The following INTS8 variants were observed in gnomAD, a reference collection of about 807,000 sequenced individuals.
INTS8 encodes integrator complex subunit 8.
In INTS8, 47 loss-of-function variants were observed where a neutral mutation model predicts 138.9. That is an observed-to-expected ratio of 0.34 (90% CI 0.27 to 0.43). INTS8 has a LOEUF of 0.43. Ranked by LOEUF, INTS8 falls within the 20% of genes least tolerant of loss-of-function variation. The pLI is 1.00. For missense variants in INTS8, 996 were observed against 1,173.0 expected (o/e 0.85, Z 2.20); for synonymous variants, 392 against 400.9 (o/e 0.98, Z 0.27).
chr8:94,842,555 T>C, intron 10 of INTS8, 67 bp downstream of exon 10: 1 of 1,293,020 alleles, frequency 7.7e-7, no homozygotes, highest in Non-Finnish European at 1.1e-6. Context: ...GACCTCTTAA[T>C]TGCCAAATCC....
intron 10 of INTS8, among the ~76,000 whole-genome samples, chr8:94,846,402 G>T (rs1289189506): frequency 1.3e-5 from 2 of 152,138 alleles, no homozygotes; most frequent in African/African-American, 4.8e-5. Flanking sequence ...AGCCTCCTGA[G>T]TAGCTGGGAC....
chr8:94,859,207 GGAGCTCAAGGCTGCAGT>G (rs1352538230), intron 15 of INTS8, among the ~76,000 whole-genome samples: 1 of 151,686 alleles, frequency 6.6e-6, no homozygotes, highest in African/African-American at 2.4e-5. Context: ...CTTGAGCCTG[GGAGCTCAAGGCTGCAGT>G]GAACCATAAT....
rs561275365 is a variant in INTS8, at chr8:94,872,893, A to G, written c.2534-481A>G. ...TTCAAGATATGAAGATAAAAGGGAT[A>G]GTGTGCTGAACACCGTGGGTCTACC... On this transcript the variant is annotated intron_variant, in intron 21 of 26. Transcript: ENST00000523731. Among the ~76,000 whole-genome samples the G allele has an allele frequency of 5.9e-5, 9 of 152,350 alleles. No homozygotes were observed. In the South Asian group the frequency reaches 8.3e-4, roughly 14 times the overall value.
chr8:94,857,069 A>ATAT, intron 15 of INTS8, 91 bp downstream of exon 15: 1 of 867,568 alleles, frequency 1.2e-6, no homozygotes, highest in Non-Finnish European at 1.7e-6. Flanking sequence ...TGAGTTTGTA[A>ATAT]TCTTTTTTTT....
chr8:94,827,480 T>C (rs908039889), intron 3 of INTS8, 77 bp downstream of exon 3: 17 of 1,491,288 alleles, frequency 1.1e-5, no homozygotes, highest in Non-Finnish European at 1.5e-5. Context: ...GATATTCTTT[T>C]AATGGACCCA....
intron 12 of INTS8, among the ~76,000 whole-genome samples, chr8:94,850,813 G>T (rs529577421): frequency 6.2e-4 from 94 of 152,088 alleles, no homozygotes; most frequent in Non-Finnish European, 1.0e-3. Context: ...CAGTATTGCT[G>T]TTTTTGCCTT....
rs533918062 is a variant in INTS8 at position 94,834,113 on chromosome 8, A to T, written c.753+1939A>T. On this transcript the variant is annotated intron_variant, in intron 6 of 26. Coordinates refer to ENST00000523731, the MANE Select transcript of INTS8 (RefSeq NM_017864.4). The stretch of plus-strand genomic sequence containing the variant: ...CATTACTAAAATTTACCTTAGACTT[A>T]AAAAGAAAAATTGTTATTTTTTTCC... 1.8e-4 allele frequency among the ~76,000 whole-genome samples: 27 copies of T among 152,284 alleles called. No individual in the cohort carries two copies. In the East Asian group the frequency reaches 4.4e-3, roughly 25 times the overall value.
At chr8:94,843,648 A>G (rs1443044866) in intron 10 of INTS8, among the ~76,000 whole-genome samples, 1 of 151,780 alleles carries the variant, frequency 6.6e-6, no homozygotes, top group Non-Finnish European at 1.5e-5. Context: ...TGTGTTTTAT[A>G]GTTTTTGGCT....
At chr8:94,844,884 C>T (rs1815276045) in intron 10 of INTS8, among the ~76,000 whole-genome samples, 1 of 151,820 alleles carries the variant, frequency 6.6e-6, no homozygotes, top group Admixed American at 6.6e-5. Flanking sequence ...TCCTGAGTAG[C>T]TGGGACTACA....
rs1482386979 is a variant in INTS8, at chr8:94,832,058, T to C, written c.637T>C (p.Tyr213His). 2.5e-6 allele frequency: 4 copies of C among 1,613,514 alleles called. No homozygotes were observed. Among genetic ancestry groups the C allele is most frequent in the Non-Finnish European group, 3.4e-6 (4 of 1,179,830 alleles). The change falls in exon 6 of 27, where the codon TAT becomes CAT. Residue 213 changes from tyrosine to histidine, a missense_variant. Physicochemically the swap from Tyr to His is moderately conservative, Grantham distance 83 (BLOSUM62 2). Coordinates refer to ENST00000523731, the MANE Select transcript of INTS8 (RefSeq NM_017864.4). ...AGCCCTAAAATTAAACAAGGATCTT[T>C]ATGTCCATACGATGAGAACTCTAGA... ...EAALKLNKDL[Y>H]VHTMRTLDLL...
intron 15 of INTS8, among the ~76,000 whole-genome samples, chr8:94,859,284 A>G (rs1815865014): frequency 6.6e-6 from 1 of 151,278 alleles, no homozygotes; most frequent in African/African-American, 2.4e-5. Context: ...CTGTCTCTAC[A>G]AAATTTTATT....
intron 16 of INTS8, among the ~76,000 whole-genome samples, chr8:94,860,630 G>A (rs1815927143): frequency 6.7e-6 from 1 of 148,310 alleles, no homozygotes; most frequent in Non-Finnish European, 1.5e-5. Flanking sequence ...AAAACATGTA[G>A]TGATTTAACA....
chr8:94,869,489 CTTATTT>C (rs1007909603), intron 20 of INTS8, among the ~76,000 whole-genome samples: 91 of 151,794 alleles, frequency 6.0e-4, no homozygotes, highest in African/African-American at 2.1e-3. Flanking sequence ...TATTTATTTA[CTTATTT>C]TTATTTTTAT....
intron 12 of INTS8, among the ~76,000 whole-genome samples, chr8:94,850,442 C>T (rs991077803): frequency 1.3e-5 from 2 of 152,044 alleles, no homozygotes; most frequent in African/African-American, 4.8e-5. Context: ...GAAACCCCGC[C>T]TCTACTAAAA....
Position 94,856,765 on chromosome 8 carries a change from T to C in INTS8, c.1753-12T>C, listed in dbSNP as rs749890512. ...GGAAAGGTGACCCAGGCTATTCTTT[T>C]TCTTTTCATAGGACTTTTCCCATGC... is the stretch of plus-strand genomic sequence containing the variant. On this transcript the variant is annotated splice_polypyrimidine_tract_variant and intron_variant, in intron 14 of 26. Transcript: ENST00000523731. The C allele has an allele frequency of 3.1e-6, 5 of 1,613,468 alleles. No individual in the cohort carries two copies. Among genetic ancestry groups the C allele is most frequent in the Non-Finnish European group, 4.2e-6 (5 of 1,179,504 alleles).
chr8:94,876,049 C>G, intron 23 of INTS8, 25 bp from the exon 24 acceptor site: 1 of 1,487,876 alleles, frequency 6.7e-7, no homozygotes, highest in South Asian at 1.1e-5. Flanking sequence ...TACATGAAAC[C>G]ATTTTCAAAT....
intron 10 of INTS8, among the ~76,000 whole-genome samples, chr8:94,845,544 C>T (rs531912283): frequency 6.6e-6 from 1 of 152,272 alleles, no homozygotes; most frequent in Admixed American, 6.5e-5. Context: ...CTCACTGCAA[C>T]CTCCGCCTCC....
chr8:94,830,819 A>C (rs1814685808), intron 5 of INTS8, among the ~76,000 whole-genome samples: 1 of 152,092 alleles, frequency 6.6e-6, no homozygotes, highest in African/African-American at 2.4e-5. Context: ...GTTTTTTGAG[A>C]TGGAGTCTTG....
chr8:94,877,780 ACT>A (rs1816615948), intron 26 of INTS8, among the ~76,000 whole-genome samples: 1 of 151,768 alleles, frequency 6.6e-6, no homozygotes, highest in Non-Finnish European at 1.5e-5. Context: ...ACTGCAACCC[ACT>A]CTCTGCCCAT....
Sources: allele counts gnomAD v4.1 joint callset (sites outside exome capture counted in the v4.1 genomes callset), GRCh38; gene constraint gnomAD v4.1.1; transcripts MANE v1.5; gene names NCBI Gene and HGNC (gene_info 2026-07-23, HGNC 2026-07-21).